NCOA5: variants seen among roughly 807,000 people sequenced by gnomAD.
NCOA5 encodes the protein nuclear receptor coactivator 5.
Under a neutral mutation model 59.0 loss-of-function variants are expected in NCOA5, and 12 were observed. The ratio of observed to expected loss-of-function variants is 0.20; its 90% CI spans 0.13 to 0.33. NCOA5 has a LOEUF of 0.33. Ranked by LOEUF, NCOA5 falls within the 10% of genes least tolerant of loss-of-function variation. The pLI, the probability that NCOA5 is intolerant of heterozygous loss-of-function variation, is 1.00. For missense variants in NCOA5, 655 were observed against 766.6 expected, an observed-to-expected ratio of 0.85 and a Z score of 1.72; for synonymous variants, 270 against 275.5, an observed-to-expected ratio of 0.98 and a Z score of 0.20.
chr20:46,087,336 TA>T (rs2085055281), intron 1 of NCOA5, among the ~76,000 whole-genome samples: 2 of 152,248 alleles, frequency 1.3e-5, no homozygotes, highest in African/African-American at 4.8e-5. Flanking sequence ...ATCCTCACAG[TA>T]GTAAAACATT....
intron 3 of NCOA5, among the ~76,000 whole-genome samples, chr20:46,068,920 T>C (rs1292566941): frequency 6.6e-6 from 1 of 152,258 alleles, no homozygotes; most frequent in African/African-American, 2.4e-5. Flanking sequence ...TTTAAAATTA[T>C]ATCTAAACGC....
intron 2 of NCOA5, among the ~76,000 whole-genome samples, chr20:46,078,958 A>G (rs1386715294): frequency 6.6e-6 from 1 of 152,226 alleles, no homozygotes; most frequent in Non-Finnish European, 1.5e-5. Flanking sequence ...TCTCTCAAGC[A>G]GCACTTTCCG....
intron 2 of NCOA5, among the ~76,000 whole-genome samples, chr20:46,076,552 C>T (rs1270282509): frequency 3.3e-5 from 5 of 150,186 alleles, no homozygotes; most frequent in Non-Finnish European, 7.4e-5. Context: ...ATTTTGAATA[C>T]AATGTTAAAT....
intron 1 of NCOA5, among the ~76,000 whole-genome samples, chr20:46,083,713 T>C (rs1239896695): frequency 6.6e-6 from 1 of 152,200 alleles, no homozygotes. Flanking sequence ...TAAAGTGGCA[T>C]TACATGCTGA....
chr20:46,075,163 T>C (rs774901133), intron 2 of NCOA5, among the ~76,000 whole-genome samples: 5 of 152,232 alleles, frequency 3.3e-5, no homozygotes, highest in Non-Finnish European at 7.3e-5. Flanking sequence ...AGGTAGGATA[T>C]GGACGTGCAA....
At chr20:46,088,449 T>C (rs2085065780) in intron 1 of NCOA5, among the ~76,000 whole-genome samples, 5 of 152,238 alleles carry the variant, frequency 3.3e-5, no homozygotes, top group Admixed American at 3.3e-4. Flanking sequence ...GCATGGGCTT[T>C]ACTGGTTGCA....
At chr20:46,082,464 C>T (rs569752539) in intron 1 of NCOA5, among the ~76,000 whole-genome samples, 3 of 152,276 alleles carry the variant, frequency 2.0e-5, no homozygotes, top group African/African-American at 4.8e-5. Flanking sequence ...ACTTGGGAAT[C>T]TCTTCCAAGG....
At chr20:46,074,134 C>T (rs755331970) in intron 2 of NCOA5, among the ~76,000 whole-genome samples, 2 of 152,106 alleles carry the variant, frequency 1.3e-5, no homozygotes, top group African/African-American at 2.4e-5. Flanking sequence ...CTTCTGGAGA[C>T]GAAAACAAAA....
At chr20:46,070,608 G>A in intron 2 of NCOA5, 72 bp from the exon 3 acceptor site, 1 of 1,418,300 alleles carries the variant, frequency 7.1e-7, no homozygotes, top group Non-Finnish European at 9.8e-7. Flanking sequence ...CTTCATATGA[G>A]AAAACCCCCA....
At chr20:46,068,061 G>C (rs1158722219) in intron 4 of NCOA5, among the ~76,000 whole-genome samples, 3 of 152,170 alleles carry the variant, frequency 2.0e-5, no homozygotes, top group Non-Finnish European at 4.4e-5. Flanking sequence ...CCCCCGAGTA[G>C]CTGGGACTAC....
At chr20:46,075,837 C>T (rs1463681428) in intron 2 of NCOA5, among the ~76,000 whole-genome samples, 1 of 152,098 alleles carries the variant, frequency 6.6e-6, no homozygotes, top group Non-Finnish European at 1.5e-5. Context: ...ATGAAGTGGC[C>T]CTCAAGAGTT....
At chr20:46,078,489 T>C (rs12480045) in intron 2 of NCOA5, among the ~76,000 whole-genome samples, 4,726 of 151,724 alleles carry the variant, frequency 0.031, 163 homozygotes, top group Admixed American at 0.11. Flanking sequence ...AGTTTAGTTA[T>C]GTTTCTGGGG....
chr20:46,065,260 C>T lies in NCOA5; in HGVS notation c.630-32G>A. 4 of 1,607,080 alleles carry T rather than the reference C, an allele frequency of 2.5e-6. No individual in the cohort carries two copies. The East Asian group carries it at 8.9e-5, about 36-fold the overall frequency. On this transcript the variant is annotated intron_variant, in intron 5 of 7. Coordinates refer to ENST00000290231, the MANE Select transcript of NCOA5 (RefSeq NM_020967.3). Reference sequence around the variant, plus strand: ...AAATAAATAAGATCCAGGTGAGCGACCAACTCCAAATCTGCATCGTGTGTC... The same window carrying T: ...AAATAAATAAGATCCAGGTGAGCGATCAACTCCAAATCTGCATCGTGTGTC...
chr20:46,082,360 G>GA (rs1934546599), intron 1 of NCOA5, among the ~76,000 whole-genome samples: 1 of 151,938 alleles, frequency 6.6e-6, no homozygotes, highest in African/African-American at 2.4e-5. Flanking sequence ...GTAAAGAAGG[G>GA]AAAAAAAGGT....
intron 1 of NCOA5, among the ~76,000 whole-genome samples, chr20:46,080,583 T>C (rs2084982087): frequency 6.6e-6 from 1 of 152,002 alleles, no homozygotes; most frequent in African/African-American, 2.4e-5. Context: ...AACAAGAAAC[T>C]TAGAGGTCTG....
At position 46,073,053 on chromosome 20, in the gene NCOA5, G is replaced by C. The variant is rs140327885; in HGVS notation, c.39-2517C>G. 5.9e-3 allele frequency among the ~76,000 whole-genome samples: 901 copies of C among 152,284 alleles called. 7 individuals carry two copies. The highest frequency in any genetic ancestry group is 9.8e-3 in the Non-Finnish European group (666 of 68,024). ...ACGTGGCTTCCCTACCAAATAAGAA[G>C]TTCTCTTGAAGGCTTTGTAGCTCTA... On this transcript the variant is annotated intron_variant, in intron 2 of 7. Transcript: ENST00000290231.
chr20:46,067,359 A>C (rs1413144886), intron 4 of NCOA5, among the ~76,000 whole-genome samples, 178 bp from the exon 5 acceptor site: 1 of 152,238 alleles, frequency 6.6e-6, no homozygotes, highest in Non-Finnish European at 1.5e-5. Flanking sequence ...GCTGGATTAA[A>C]GGACGTGGCC....
Position 46,063,546 on chromosome 20 carries a change from G to C in NCOA5, c.964C>G (p.Leu322Val), listed in dbSNP as rs1568875896. ...QAAKMADEAI[L>V]QERERGGPEE... The stretch of plus-strand genomic sequence containing the variant: ...GGGCCTCCTCTCTCTCTTTCCTGCA[G>C]GATGGCTTCATCGGCCATCTTGGCT... Residue 322 changes from leucine (L) to valine (V), a missense_variant, in exon 7 of 8, where the codon CTG becomes GTG. Around this residue, in one of 3 missense-constraint regions of NCOA5, gnomAD observed 325 missense variants for 353.2 expected, o/e 0.92. Transcript: ENST00000290231. 6.2e-7 allele frequency: 1 copy of C among 1,614,188 alleles called. No individual in the cohort carries two copies. Among genetic ancestry groups the C allele is most frequent in the East Asian group, 2.2e-5 (1 of 44,876 alleles).
At chr20:46,068,352 CACTA>C in intron 4 of NCOA5, 146 bp downstream of exon 4, 1 of 671,924 alleles carries the variant, frequency 1.5e-6, no homozygotes, top group Non-Finnish European at 2.2e-6. Flanking sequence ...GCTCTTTACC[CACTA>C]ATAAGCTACT....
Sources: allele counts gnomAD v4.1 joint callset (sites outside exome capture counted in the v4.1 genomes callset), GRCh38; gene constraint gnomAD v4.1.1; regional missense constraint gnomAD v4.1.1; transcripts MANE v1.5; gene names NCBI Gene and HGNC (gene_info 2026-07-23, HGNC 2026-07-21).